The following SLC6A11 variants were observed in gnomAD, a reference collection of about 807,000 sequenced individuals.
The protein encoded by SLC6A11 is solute carrier family 6 member 11, also known as sodium- and chloride-dependent GABA transporter 3.
In SLC6A11, 25 loss-of-function variants were observed where a neutral mutation model predicts 74.8. That is an observed-to-expected ratio of 0.33 (90% CI 0.24 to 0.47). The LOEUF (loss-of-function observed/expected upper bound fraction) is 0.47, where lower values mean the gene tolerates loss of function less well. Among genes scored for constraint, SLC6A11 ranks in the 20% least tolerant of loss-of-function variants. The probability of loss-of-function intolerance (pLI) is 1.00; values close to 1 mark genes in which losing one functional copy is unlikely to be tolerated. For missense variants in SLC6A11, 574 were observed against 837.0 expected (o/e 0.69, Z 3.88); for synonymous variants, 330 against 330.2 (o/e 1.00, Z 0.01).
At chr3:10,879,802 C>G (rs1343167577) in intron 6 of SLC6A11, among the ~76,000 whole-genome samples, 2 of 152,016 alleles carry the variant, frequency 1.3e-5, no homozygotes, top group African/African-American at 4.8e-5. Context: ...TTGAGTATCC[C>G]TAAGTGCTCC....
At chr3:10,934,791 G>A (rs1695736566) in intron 12 of SLC6A11, among the ~76,000 whole-genome samples, 1 of 152,208 alleles carries the variant, frequency 6.6e-6, no homozygotes, top group Admixed American at 6.5e-5. Flanking sequence ...AGCCCAGCGA[G>A]GTCCCAGAAC....
chr3:10,866,300 A>G (rs1164156527), intron 5 of SLC6A11, among the ~76,000 whole-genome samples: 1 of 152,230 alleles, frequency 6.6e-6, no homozygotes, highest in East Asian at 1.9e-4. Flanking sequence ...TGGCCAGAAC[A>G]TAGATGGCCA....
intron 5 of SLC6A11, among the ~76,000 whole-genome samples, chr3:10,859,565 G>A (rs989663013): frequency 6.6e-6 from 1 of 152,208 alleles, no homozygotes; most frequent in African/African-American, 2.4e-5. Context: ...TCGTTAGCAT[G>A]TATGTTAGGA....
chr3:10,929,424 C>T (rs1028765337), intron 10 of SLC6A11, 85 bp downstream of exon 10: 39 of 1,488,076 alleles, frequency 2.6e-5, no homozygotes, highest in African/African-American at 5.5e-5. Context: ...CTGTGTGACC[C>T]GGGTCAGGTC....
chr3:10,906,964 T>C (rs1407884601), intron 6 of SLC6A11, among the ~76,000 whole-genome samples: 1 of 152,162 alleles, frequency 6.6e-6, no homozygotes, highest in East Asian at 1.9e-4. Context: ...GGAAAATCTA[T>C]CTCACCTAAA....
At chr3:10,928,374 G>A (rs1695637477) in intron 9 of SLC6A11, among the ~76,000 whole-genome samples, 1 of 152,134 alleles carries the variant, frequency 6.6e-6, no homozygotes, top group African/African-American at 2.4e-5. Context: ...GGGCGCAGAG[G>A]AGAGGGATGG....
At chr3:10,936,150 C>T (rs1397452367) in intron 13 of SLC6A11, among the ~76,000 whole-genome samples, 1 of 152,194 alleles carries the variant, frequency 6.6e-6, no homozygotes, top group Non-Finnish European at 1.5e-5. Context: ...TGTTGTGTGC[C>T]AGAAGCTGTT....
chr3:10,887,392 A>G (rs1695057409), intron 6 of SLC6A11, among the ~76,000 whole-genome samples: 1 of 152,182 alleles, frequency 6.6e-6, no homozygotes, highest in African/African-American at 2.4e-5. Flanking sequence ...AGAGAAGAAC[A>G]ACATTATTTT....
At position 10,908,324 on chromosome 3, in the gene SLC6A11, T is replaced by C. The variant is rs186273366; in HGVS notation, c.892-3766T>C. On this transcript the variant is annotated intron_variant, in intron 6 of 13. Transcript: ENST00000254488. ...CTAGTGGGTAGGGAGGGAAGACAAA[T>C]GGAGGCTGTAGCTAATTTCAGTATT... Among the ~76,000 whole-genome samples the C allele has an allele frequency of 3.3e-5, 5 of 152,248 alleles. No homozygotes were observed. In the East Asian group the frequency reaches 7.7e-4, roughly 23 times the overall value.
At chr3:10,823,528 G>A (rs1694165146) in intron 4 of SLC6A11, 136 bp downstream of exon 4, 15 of 646,598 alleles carry the variant, frequency 2.3e-5, no homozygotes, top group South Asian at 1.4e-4. Flanking sequence ...GTGAGCATTC[G>A]ACAGCTTCGG....
intron 12 of SLC6A11, 133 bp downstream of exon 12, chr3:10,934,299 C>T (rs2124822898): frequency 3.2e-6 from 2 of 628,078 alleles, no homozygotes; most frequent in South Asian, 2.0e-5. Context: ...GTTCAGGCCA[C>T]CTTACAAAGC....
chr3:10,933,318 G>A (rs1695715905), intron 11 of SLC6A11, 65 bp downstream of exon 11: 1 of 1,143,928 alleles, frequency 8.7e-7, no homozygotes, highest in Non-Finnish European at 1.3e-6. Context: ...CCTGGTGCTT[G>A]GACTCTGGTT....
In SLC6A11 at chr3:10,933,183, C is replaced by G. The variant is rs139042454; in HGVS notation, c.1404C>G (p.Ser468=). The change falls in exon 11 of 14, where the codon TCC becomes TCG. Residue 468 remains serine (S), a synonymous_variant. Transcript: ENST00000254488. ...GGMYIFQLFD[S]YAASGMCLLF... ...TGTACATCTTCCAGCTCTTTGACTC[C>G]TATGCCGCCAGTGGGATGTGCCTTC... is the stretch of plus-strand genomic sequence containing the variant. 6.2e-6 allele frequency: 10 copies of G among 1,613,960 alleles called. No individual in the cohort carries two copies. In the East Asian group the frequency reaches 1.3e-4, roughly 22 times the overall value.
chr3:10,931,403 G>A (rs1339455314), intron 10 of SLC6A11, among the ~76,000 whole-genome samples: 2 of 152,022 alleles, frequency 1.3e-5, no homozygotes, highest in Admixed American at 6.6e-5. Context: ...AGGTGGGGGC[G>A]GGTCTTAGGT....
chr3:10,927,981 C>T (rs1044511880), intron 9 of SLC6A11, among the ~76,000 whole-genome samples: 6 of 152,196 alleles, frequency 3.9e-5, no homozygotes, highest in South Asian at 4.1e-4. Context: ...AAGATCACCT[C>T]GTTCAAATCC....
intron 4 of SLC6A11, among the ~76,000 whole-genome samples, chr3:10,839,297 G>A (rs1056526569): frequency 1.3e-5 from 2 of 152,102 alleles, no homozygotes; most frequent in Non-Finnish European, 2.9e-5. Context: ...CTTCCTGAAG[G>A]AGCCACGTGA....
chr3:10,930,454 C>T lies in SLC6A11; in HGVS notation c.1371+1115C>T, dbSNP rs547149559. On this transcript the variant is annotated intron_variant, in intron 10 of 13. Coordinates refer to ENST00000254488, the MANE Select transcript of SLC6A11 (RefSeq NM_014229.3). The stretch of plus-strand genomic sequence containing the variant: ...TGCACAGTGGCTGGCATCATTACCT[C>T]GCCCAGTCATTGTCACATTAATGAG... 3.9e-5 allele frequency among the ~76,000 whole-genome samples: 6 copies of T among 152,320 alleles called. No individual in the cohort carries two copies. In the East Asian group the frequency reaches 7.7e-4, roughly 20 times the overall value.
chr3:10,866,965 T>C (rs1242431838), intron 5 of SLC6A11, among the ~76,000 whole-genome samples: 1 of 152,206 alleles, frequency 6.6e-6, no homozygotes, highest in Non-Finnish European at 1.5e-5. Context: ...TAGTGTTCTT[T>C]CCTGGGAATG....
chr3:10,830,175 A>G (rs76866369), intron 4 of SLC6A11, among the ~76,000 whole-genome samples: 5,320 of 152,246 alleles, frequency 0.035, 163 homozygotes, highest in South Asian at 0.13. Flanking sequence ...GGCTACATGG[A>G]GTTGGTGATA....
Sources: allele counts gnomAD v4.1 joint callset (sites outside exome capture counted in the v4.1 genomes callset), GRCh38; gene constraint gnomAD v4.1.1; transcripts MANE v1.5; gene names NCBI Gene and HGNC (gene_info 2026-07-23, HGNC 2026-07-21).